Variants in CLASP2 observed in about 807,000 individuals in gnomAD.
CLASP2 encodes the protein cytoplasmic linker associated protein 2.
In CLASP2, 47 loss-of-function variants were observed where a neutral mutation model predicts 194.4. The observed-to-expected ratio is 0.24, with a 90% CI of 0.19 to 0.31. The LOEUF (loss-of-function observed/expected upper bound fraction) is 0.31. Ranked by LOEUF, CLASP2 falls within the 10% of genes least tolerant of loss-of-function variation. The pLI is 1.00. For synonymous variants in CLASP2, 619 were observed against 633.5 expected, an observed-to-expected ratio of 0.98 and a Z score of 0.34; for missense variants, 1,445 against 1,823.6, an observed-to-expected ratio of 0.79 and a Z score of 3.78.
intron 14 of CLASP2, 137 bp downstream of exon 14, chr3:33,608,430 A>C: frequency 1.4e-6 from 1 of 706,668 alleles, no homozygotes. Flanking sequence ...GCACAACACC[A>C]CCACAGCTTT....
At chr3:33,632,488 T>C in intron 8 of CLASP2, 117 bp from the exon 9 acceptor site, 1 of 700,502 alleles carries the variant, frequency 1.4e-6, no homozygotes, top group Non-Finnish European at 2.3e-6. Context: ...TTAAGGGATA[T>C]TCCATTTTAT....
At chr3:33,674,112 C>T (rs1184111414) in intron 6 of CLASP2, among the ~76,000 whole-genome samples, 1 of 152,172 alleles carries the variant, frequency 6.6e-6, no homozygotes, top group Non-Finnish European at 1.5e-5. Flanking sequence ...AGCTACAGAA[C>T]TCTCCACCCC....
At chr3:33,507,835 T>C (rs1378982302) in intron 37 of CLASP2, among the ~76,000 whole-genome samples, 1 of 151,906 alleles carries the variant, frequency 6.6e-6, no homozygotes, top group Non-Finnish European at 1.5e-5. Flanking sequence ...GATTGGTCAG[T>C]AGGTTCAGAT....
At chr3:33,665,367 G>A (rs1376643273) in intron 6 of CLASP2, among the ~76,000 whole-genome samples, 2 of 152,108 alleles carry the variant, frequency 1.3e-5, no homozygotes, top group Non-Finnish European at 2.9e-5. Flanking sequence ...TACGAATATG[G>A]GAGAGAGGAG....
At chr3:33,631,862 GC>G (rs57581600) in intron 9 of CLASP2, among the ~76,000 whole-genome samples, 1,317 of 38,814 alleles carry the variant, frequency 0.034, 20 homozygotes, top group African/African-American at 0.21. Flanking sequence ...TAAAAAAAAA[GC>G]ACTGAGTAAA....
chr3:33,699,382 CA>C (rs1323629136), intron 1 of CLASP2, among the ~76,000 whole-genome samples: 1 of 151,876 alleles, frequency 6.6e-6, no homozygotes, highest in South Asian at 2.1e-4. Context: ...AGAAAACCCC[CA>C]AACAGAAAAT....
intron 12 of CLASP2, among the ~76,000 whole-genome samples, chr3:33,614,128 A>C (rs1243106799): frequency 1.3e-5 from 2 of 152,332 alleles, no homozygotes; most frequent in East Asian, 3.9e-4. Context: ...AAAGCAAAGA[A>C]AAACAGGGGT....
At chr3:33,628,427 C>T (rs940870675) in intron 9 of CLASP2, among the ~76,000 whole-genome samples, 4 of 152,164 alleles carry the variant, frequency 2.6e-5, no homozygotes, top group African/African-American at 7.2e-5. Flanking sequence ...AACTCAAAAA[C>T]GTACTTCAGT....
In CLASP2 at chr3:33,677,954, T is replaced by G. The variant is rs55829218; in HGVS notation, c.644+6405A>C. Among the ~76,000 whole-genome samples, 767 of 134,730 alleles carry G rather than the reference T, an allele frequency of 5.7e-3. 6 individuals carry two copies. The highest frequency in any genetic ancestry group is 0.037 in the Middle Eastern group (9 of 246). The allele number at this position is 134,730 out of a possible 152,430, so 88.4% of individuals were successfully genotyped here. On this transcript the variant is annotated intron_variant, in intron 6 of 38. Transcript: ENST00000682230. The stretch of plus-strand genomic sequence containing the variant: ...CAAAAAAAAAAAAAAAAGCTGGAGA[T>G]GAAAAACTTAATAAAATTAAAGAAT...
chr3:33,675,049 T>G lies in CLASP2; in HGVS notation c.644+9310A>C, dbSNP rs28768972. Among the ~76,000 whole-genome samples, 738 of 152,108 alleles carry G rather than the reference T, an allele frequency of 4.9e-3. 7 individuals are homozygous for G. Among genetic ancestry groups the G allele is most frequent in the African/African-American group, 0.017 (717 of 41,486 alleles). On this transcript the variant is annotated intron_variant, in intron 6 of 38. Transcript: ENST00000682230. ...ACCATTCCTTCTGAAACTATTCCAATCAATAGAAAAAGAGGGAATCCTCCC... is the reference window on the plus strand; with the variant it reads ...ACCATTCCTTCTGAAACTATTCCAAGCAATAGAAAAAGAGGGAATCCTCCC...
chr3:33,644,679 C>G (rs2081979482), intron 8 of CLASP2, 78 bp downstream of exon 8: 1 of 1,478,472 alleles, frequency 6.8e-7, no homozygotes, highest in Non-Finnish European at 9.3e-7. Flanking sequence ...TAAACATATT[C>G]CTCTGAAGTT....
intron 27 of CLASP2, among the ~76,000 whole-genome samples, chr3:33,563,560 T>G (rs1000502438): frequency 6.6e-6 from 1 of 152,204 alleles, no homozygotes; most frequent in Non-Finnish European, 1.5e-5. Flanking sequence ...ATAGTAAATA[T>G]CCTAGGGCTT....
chr3:33,577,628 G>A (rs973132361), intron 23 of CLASP2, among the ~76,000 whole-genome samples: 2 of 152,046 alleles, frequency 1.3e-5, no homozygotes, highest in African/African-American at 4.8e-5. Flanking sequence ...ATCCAATGAG[G>A]CAGTAAATTA....
intron 31 of CLASP2, among the ~76,000 whole-genome samples, chr3:33,544,290 C>T (rs1015244357): frequency 6.6e-6 from 1 of 152,174 alleles, no homozygotes; most frequent in African/African-American, 2.4e-5. Context: ...AATGTGACCA[C>T]ACTTCTTAAA....
intron 37 of CLASP2, among the ~76,000 whole-genome samples, chr3:33,509,309 C>G (rs959186819): frequency 1.6e-4 from 25 of 152,300 alleles, no homozygotes; most frequent in African/African-American, 6.0e-4. Flanking sequence ...CTCCACCTCT[C>G]GGGTTCAAGC....
intron 27 of CLASP2, among the ~76,000 whole-genome samples, chr3:33,561,455 T>C (rs901684436): frequency 2.0e-5 from 3 of 152,228 alleles, no homozygotes; most frequent in African/African-American, 2.4e-5. Context: ...AAAATGACAA[T>C]TGTCACAAAT....
chr3:33,617,651 C>A (rs2076413617), intron 12 of CLASP2, among the ~76,000 whole-genome samples: 1 of 151,484 alleles, frequency 6.6e-6, no homozygotes, highest in Non-Finnish European at 1.5e-5. Context: ...TAGAAAATAC[C>A]ACAACATATG....
At chr3:33,587,935 G>T (rs976443209) in intron 21 of CLASP2, among the ~76,000 whole-genome samples, 1 of 152,114 alleles carries the variant, frequency 6.6e-6, no homozygotes, top group African/African-American at 2.4e-5. Flanking sequence ...AAATTTGGGG[G>T]GTGGAAGTGT....
At chr3:33,590,136 A>C (rs1400269071) in intron 21 of CLASP2, among the ~76,000 whole-genome samples, 1 of 152,194 alleles carries the variant, frequency 6.6e-6, no homozygotes, top group Non-Finnish European at 1.5e-5. Context: ...ATTAGCCAAC[A>C]TATATAGTGC....
Sources: allele counts gnomAD v4.1 joint callset (sites outside exome capture counted in the v4.1 genomes callset), GRCh38; gene constraint gnomAD v4.1.1; transcripts MANE v1.5; gene names NCBI Gene and HGNC (gene_info 2026-07-23, HGNC 2026-07-21).